The following PPP2R5E variants were observed in gnomAD, a reference collection of about 807,000 sequenced individuals.
PPP2R5E encodes protein phosphatase 2 regulatory subunit B'epsilon.
PPP2R5E carries 4 observed loss-of-function variants against 65.3 expected under a neutral mutation model. The ratio of observed to expected loss-of-function variants is 0.06; its 90% confidence interval spans 0.03 to 0.14. The LOEUF is 0.14. Among genes scored for constraint, PPP2R5E ranks in the 10% least tolerant of loss-of-function variants. The pLI is 1.00. For missense variants in PPP2R5E, 274 were observed against 556.1 expected (o/e 0.49, Z 5.10); for synonymous variants, 183 against 187.4 (o/e 0.98, Z 0.19).
chr14:63,477,859 A>AAT (rs1025298084), intron 2 of PPP2R5E, among the ~76,000 whole-genome samples: 11 of 151,120 alleles, frequency 7.3e-5, no homozygotes, highest in East Asian at 1.9e-4. Context: ...AAAAAATTTA[A>AAT]ATATATATAT....
intron 2 of PPP2R5E, among the ~76,000 whole-genome samples, chr14:63,509,790 T>C (rs1375992605): frequency 2.0e-5 from 3 of 152,200 alleles, no homozygotes; most frequent in Admixed American, 6.5e-5. Context: ...AGACAAATTA[T>C]ACTTGAAGGA....
chr14:63,531,121 T>C (rs1165277310), intron 2 of PPP2R5E, among the ~76,000 whole-genome samples: 2 of 152,284 alleles, frequency 1.3e-5, no homozygotes, highest in East Asian at 1.9e-4. Context: ...AGAGCCAAGA[T>C]AGCGCCATTG....
intron 5 of PPP2R5E, among the ~76,000 whole-genome samples, chr14:63,403,659 G>T (rs575577922): frequency 6.6e-6 from 1 of 151,336 alleles, no homozygotes; most frequent in Non-Finnish European, 1.5e-5. Context: ...AAAAGTAACT[G>T]ATAGACTAGT....
intron 2 of PPP2R5E, among the ~76,000 whole-genome samples, chr14:63,472,089 C>T (rs1890162718): frequency 6.6e-6 from 1 of 152,200 alleles, no homozygotes; most frequent in Admixed American, 6.5e-5. Context: ...TCACCTGAGT[C>T]AGATGTTCAA....
chr14:63,384,635 A>T, intron 11 of PPP2R5E, 64 bp from the exon 12 acceptor site: 4 of 1,387,104 alleles, frequency 2.9e-6, no homozygotes, highest in Non-Finnish European at 4.0e-6. Flanking sequence ...CAAAATTATA[A>T]ATCTTTCCAA....
chr14:63,475,836 C>T (rs1376180418), intron 2 of PPP2R5E, among the ~76,000 whole-genome samples: 1 of 152,004 alleles, frequency 6.6e-6, no homozygotes, highest in African/African-American at 2.4e-5. Flanking sequence ...GAAAAAGTTT[C>T]CATCCAAAAA....
chr14:63,399,383 T>C (rs1183624549), intron 5 of PPP2R5E, among the ~76,000 whole-genome samples: 4 of 127,500 alleles, frequency 3.1e-5, no homozygotes, highest in East Asian at 2.2e-4. Flanking sequence ...TTTTTTTTTT[T>C]TTTTTTTTTT....
At chr14:63,524,403 C>G (rs1334482277) in intron 2 of PPP2R5E, among the ~76,000 whole-genome samples, 2 of 152,202 alleles carry the variant, frequency 1.3e-5, no homozygotes, top group African/African-American at 4.8e-5. Flanking sequence ...ACAGTTTACC[C>G]ACAATGCCTC....
chr14:63,401,656 T>A (rs1052038943), intron 5 of PPP2R5E, among the ~76,000 whole-genome samples: 2 of 152,024 alleles, frequency 1.3e-5, no homozygotes, highest in Non-Finnish European at 2.9e-5. Flanking sequence ...TCCTCTTGAA[T>A]CCTCCCTAAA....
intron 2 of PPP2R5E, among the ~76,000 whole-genome samples, chr14:63,466,999 G>C (rs1378267496): frequency 6.6e-6 from 1 of 152,108 alleles, no homozygotes; most frequent in African/African-American, 2.4e-5. Flanking sequence ...GGCCAAGGCA[G>C]GCAAATCACG....
intron 11 of PPP2R5E, among the ~76,000 whole-genome samples, chr14:63,388,221 ATC>A (rs1884794697): frequency 1.3e-5 from 2 of 151,184 alleles, no homozygotes; most frequent in Non-Finnish European, 2.9e-5. Flanking sequence ...GCTCACTGCA[ATC>A]TCTGCCTTCC....
intron 8 of PPP2R5E, among the ~76,000 whole-genome samples, chr14:63,393,478 C>A (rs1346351469): frequency 1.3e-5 from 2 of 152,106 alleles, no homozygotes; most frequent in African/African-American, 2.4e-5. Flanking sequence ...CTTTGGGAGG[C>A]CAAGGTGGGC....
chr14:63,413,080 G>A (rs193187097), intron 5 of PPP2R5E, among the ~76,000 whole-genome samples: 14 of 152,294 alleles, frequency 9.2e-5, no homozygotes, highest in Non-Finnish European at 1.8e-4. Context: ...CTGAAAAAGG[G>A]TCTCAAAGGA....
At chr14:63,404,462 C>A (rs1885953897) in intron 5 of PPP2R5E, among the ~76,000 whole-genome samples, 1 of 152,184 alleles carries the variant, frequency 6.6e-6, no homozygotes, top group African/African-American at 2.4e-5. Flanking sequence ...TGGCCAAATA[C>A]AGAGAAAACA....
At chr14:63,465,624 T>C (rs1424801324) in intron 2 of PPP2R5E, among the ~76,000 whole-genome samples, 1 of 152,048 alleles carries the variant, frequency 6.6e-6, no homozygotes, top group African/African-American at 2.4e-5. Flanking sequence ...AGACCCTGTT[T>C]CAAAAAAAAA....
intron 2 of PPP2R5E, among the ~76,000 whole-genome samples, chr14:63,459,382 T>C (rs1282938972): frequency 6.6e-6 from 1 of 152,164 alleles, no homozygotes; most frequent in African/African-American, 2.4e-5. Context: ...AGGAATTGCT[T>C]TTGACACCAG....
At chr14:63,397,459 G>A (rs1238117649) in intron 5 of PPP2R5E, among the ~76,000 whole-genome samples, 5 of 136,714 alleles carry the variant, frequency 3.7e-5, no homozygotes, top group Non-Finnish European at 3.0e-5. Flanking sequence ...CTGCGATCGC[G>A]CCATTGCACT....
chr14:63,521,254 A>G (rs1222767655), intron 2 of PPP2R5E, among the ~76,000 whole-genome samples: 2 of 152,214 alleles, frequency 1.3e-5, no homozygotes, highest in East Asian at 3.8e-4. Flanking sequence ...AATATAATAC[A>G]ATATAGCTCT....
chr14:63,414,628 A>G (rs1478524031), intron 5 of PPP2R5E, among the ~76,000 whole-genome samples: 1 of 152,240 alleles, frequency 6.6e-6, no homozygotes, highest in African/African-American at 2.4e-5. Context: ...AAATGGAGAC[A>G]TGAGAGTTAA....
Sources: gnomAD v4.1 joint callset for allele counts (sites outside exome capture counted in the v4.1 genomes callset) on GRCh38, gnomAD v4.1.1 for gene constraint, MANE v1.5 for transcripts, NCBI Gene and HGNC (gene_info 2026-07-23, HGNC 2026-07-21) for gene names.